NSMCE2: variants seen among roughly 807,000 people sequenced by gnomAD.
NSMCE2 encodes the protein NSE2 SUMO ligase component of SMC5/6 complex, also known as E3 SUMO-protein ligase NSE2.
In NSMCE2, 24 loss-of-function variants were observed where a neutral mutation model predicts 23.8. That is an observed-to-expected ratio of 1.01 (90% CI 0.73 to 1.42). NSMCE2 has a LOEUF of 1.42. NSMCE2 is among the 40% of genes most tolerant of loss of function. The pLI, the probability that NSMCE2 is intolerant of heterozygous loss-of-function variation, is 0.00. For missense variants in NSMCE2, 284 were observed against 296.5 expected, an observed-to-expected ratio of 0.96 and a Z score of 0.31; for synonymous variants, 92 against 94.1, an observed-to-expected ratio of 0.98 and a Z score of 0.13.
chr8:125,252,443 G>C (rs758550292), intron 5 of NSMCE2, among the ~76,000 whole-genome samples: 1 of 152,130 alleles, frequency 6.6e-6, no homozygotes. Flanking sequence ...GGAGAATGGC[G>C]TGAACCCAGG....
intron 3 of NSMCE2, among the ~76,000 whole-genome samples, chr8:125,133,028 A>G (rs1414387082): frequency 6.6e-6 from 1 of 152,218 alleles, no homozygotes; most frequent in Non-Finnish European, 1.5e-5. Context: ...TGACAGTTGC[A>G]GATATCCTGA....
intron 4 of NSMCE2, among the ~76,000 whole-genome samples, chr8:125,171,951 T>A (rs1474036618): frequency 6.6e-6 from 1 of 152,226 alleles, no homozygotes; most frequent in Non-Finnish European, 1.5e-5. Context: ...ACTCAGTGTT[T>A]AATTTTATTT....
chr8:125,144,001 A>G (rs10109490), intron 3 of NSMCE2, among the ~76,000 whole-genome samples: 11,830 of 152,286 alleles, frequency 0.078, 571 homozygotes, highest in Middle Eastern at 0.29. Context: ...CTGGTAGTGT[A>G]ATGAAGTAGT....
At chr8:125,097,338 A>C (rs1376850861) in intron 1 of NSMCE2, among the ~76,000 whole-genome samples, 1 of 152,180 alleles carries the variant, frequency 6.6e-6, no homozygotes, top group African/African-American at 2.4e-5. Flanking sequence ...CACTAGACCC[A>C]ACTGGAGTGA....
chr8:125,269,773 C>G (rs1210941358), intron 5 of NSMCE2, among the ~76,000 whole-genome samples: 3 of 152,156 alleles, frequency 2.0e-5, no homozygotes, highest in Admixed American at 6.5e-5. Flanking sequence ...AATAGGTCAT[C>G]CTGAATCAGT....
chr8:125,330,701 A>C (rs1352298442), intron 5 of NSMCE2, among the ~76,000 whole-genome samples: 1 of 152,202 alleles, frequency 6.6e-6, no homozygotes, highest in African/African-American at 2.4e-5. Context: ...TAAAGGAAAC[A>C]GAATTTAGAG....
intron 5 of NSMCE2, among the ~76,000 whole-genome samples, chr8:125,251,495 A>C (rs899031348): frequency 6.6e-6 from 1 of 152,214 alleles, no homozygotes; most frequent in African/African-American, 2.4e-5. Flanking sequence ...CAACAGAAGG[A>C]ATAGTTTTTC....
intron 3 of NSMCE2, among the ~76,000 whole-genome samples, chr8:125,132,005 C>T (rs564547186): frequency 6.6e-6 from 1 of 152,292 alleles, no homozygotes; most frequent in South Asian, 2.1e-4. Context: ...TGTCATGCAT[C>T]CTTAGAGTTT....
intron 1 of NSMCE2, among the ~76,000 whole-genome samples, chr8:125,100,205 A>G (rs1818119534): frequency 6.6e-6 from 1 of 152,132 alleles, no homozygotes; most frequent in Non-Finnish European, 1.5e-5. Flanking sequence ...GAGTGAGGAT[A>G]GAGGAGGAAG....
At chr8:125,134,581 A>G (rs1819964026) in intron 3 of NSMCE2, among the ~76,000 whole-genome samples, 1 of 152,080 alleles carries the variant, frequency 6.6e-6, no homozygotes, top group African/African-American at 2.4e-5. Context: ...GTATCTTCAA[A>G]TCTTGTGTTG....
chr8:125,301,553 C>T (rs1308895436), intron 5 of NSMCE2, among the ~76,000 whole-genome samples: 4 of 152,034 alleles, frequency 2.6e-5, no homozygotes, highest in South Asian at 2.1e-4. Context: ...TAGGAGACAG[C>T]GTCCCAGTTC....
At chr8:125,113,705 T>C (rs1207421507) in intron 3 of NSMCE2, among the ~76,000 whole-genome samples, 1 of 152,130 alleles carries the variant, frequency 6.6e-6, no homozygotes. Flanking sequence ...ATAATTCATT[T>C]CCCCCGTCAT....
chr8:125,131,723 A>T (rs10110582), intron 3 of NSMCE2, among the ~76,000 whole-genome samples: 5,304 of 152,250 alleles, frequency 0.035, 298 homozygotes, highest in African/African-American at 0.12. Flanking sequence ...TGTATATTTT[A>T]AAAATGCAAA....
intron 3 of NSMCE2, among the ~76,000 whole-genome samples, chr8:125,113,585 A>T (rs1367638181): frequency 6.6e-6 from 1 of 152,252 alleles, no homozygotes; most frequent in Non-Finnish European, 1.5e-5. Flanking sequence ...AAAAAGAATC[A>T]TAAGGAAAAT....
chr8:125,332,206 C>T (rs1317110909), intron 5 of NSMCE2, among the ~76,000 whole-genome samples: 1 of 152,174 alleles, frequency 6.6e-6, no homozygotes, highest in African/African-American at 2.4e-5. Context: ...TTTTGCCAGT[C>T]ACCGATGCTA....
chr8:125,343,829 A>G (rs1028384716), intron 5 of NSMCE2, among the ~76,000 whole-genome samples: 14 of 151,854 alleles, frequency 9.2e-5, no homozygotes, highest in African/African-American at 3.1e-4. Context: ...CCCCGTCTCC[A>G]CTAAAAAATA....
intron 5 of NSMCE2, among the ~76,000 whole-genome samples, chr8:125,193,173 G>A (rs1282183991): frequency 6.6e-6 from 1 of 152,168 alleles, no homozygotes; most frequent in African/African-American, 2.4e-5. Flanking sequence ...TGAGTATTCA[G>A]TATGATTACA....
intron 3 of NSMCE2, among the ~76,000 whole-genome samples, chr8:125,131,629 G>A (rs976300699): frequency 2.0e-5 from 3 of 152,166 alleles, no homozygotes; most frequent in Admixed American, 2.0e-4. Flanking sequence ...CTTGGAGATT[G>A]TAAGTACTTG....
chr8:125,307,212 T>C (rs1467964598), intron 5 of NSMCE2, among the ~76,000 whole-genome samples: 3 of 152,186 alleles, frequency 2.0e-5, no homozygotes. Flanking sequence ...AGGAAATTTT[T>C]TTTTCTTTAA....
Sources: allele counts gnomAD v4.1 joint callset (sites outside exome capture counted in the v4.1 genomes callset), GRCh38; gene constraint gnomAD v4.1.1; transcripts MANE v1.5; gene names NCBI Gene and HGNC (gene_info 2026-07-23, HGNC 2026-07-21).